UTP18: variants seen among roughly 807,000 people sequenced by gnomAD.
UTP18 encodes the protein U3 small nucleolar RNA-associated protein 18 homolog.
A neutral mutation model predicts 61.1 loss-of-function variants in UTP18; 36 were observed. The observed-to-expected ratio is 0.59, with a 90% confidence interval of 0.45 to 0.78. UTP18 has a LOEUF of 0.78. UTP18 is among the 30% of genes least tolerant of loss of function. UTP18 has a pLI of 0.00. For synonymous variants in UTP18, 282 were observed against 251.1 expected, an observed-to-expected ratio of 1.12 and a Z score of -1.16; for missense variants, 753 against 693.9, an observed-to-expected ratio of 1.09 and a Z score of -0.96.
chr17:51,287,065 A>G (rs1303336978), intron 10 of UTP18, among the ~76,000 whole-genome samples: 4 of 144,412 alleles, frequency 2.8e-5, no homozygotes. Context: ...TTGCCTCTAT[A>G]TGGGGCAAGA....
At chr17:51,278,698 C>T (rs1904811252) in intron 7 of UTP18, among the ~76,000 whole-genome samples, 1 of 152,204 alleles carries the variant, frequency 6.6e-6, no homozygotes, top group African/African-American at 2.4e-5. Context: ...TAGAACAAGC[C>T]TCCTGTCCTA....
At chr17:51,285,483 T>C (rs757365989) in intron 10 of UTP18, 115 bp downstream of exon 10, 18 of 1,302,226 alleles carry the variant, frequency 1.4e-5, no homozygotes, top group Non-Finnish European at 1.6e-5. Context: ...TATTCAGTAA[T>C]ATGAAATTGG....
chr17:51,276,549 T>C (rs1047075358), intron 6 of UTP18, among the ~76,000 whole-genome samples: 3 of 152,218 alleles, frequency 2.0e-5, no homozygotes, highest in Admixed American at 6.5e-5. Context: ...GGGTCTTCCA[T>C]GTTTAATCTA....
chr17:51,288,271 CAGGAA>C, intron 11 of UTP18, 68 bp downstream of exon 11: 1 of 1,396,758 alleles, frequency 7.2e-7, no homozygotes, highest in Non-Finnish European at 9.6e-7. Flanking sequence ...GCAAGAGTAA[CAGGAA>C]AGGAGAGCGT....
intron 11 of UTP18, among the ~76,000 whole-genome samples, chr17:51,291,070 A>C (rs1030261086): frequency 6.6e-6 from 1 of 152,202 alleles, no homozygotes; most frequent in African/African-American, 2.4e-5. Context: ...TTGAATTTTG[A>C]TATCTGTACA....
chr17:51,260,989 G>T, intron 1 of UTP18, 63 bp downstream of exon 1: 1 of 1,348,760 alleles, frequency 7.4e-7, no homozygotes, highest in Non-Finnish European at 9.6e-7. Flanking sequence ...GGGCGGTGAA[G>T]CTCCGGGGGG....
intron 9 of UTP18, among the ~76,000 whole-genome samples, chr17:51,281,159 TA>T (rs1170479386): frequency 4.5e-4 from 41 of 91,090 alleles, no homozygotes; most frequent in Admixed American, 2.0e-3. Context: ...TATATATATA[TA>T]TATATTTTTT....
At chr17:51,267,656 A>G (rs1277257583) in intron 3 of UTP18, among the ~76,000 whole-genome samples, 2 of 152,070 alleles carry the variant, frequency 1.3e-5, no homozygotes, top group Non-Finnish European at 2.9e-5. Flanking sequence ...TTTGGTGAGG[A>G]GTATCTTAAG....
At chr17:51,266,154 T>G (rs746896291) in intron 2 of UTP18, 28 bp from the exon 3 acceptor site, 1 of 1,511,978 alleles carries the variant, frequency 6.6e-7, no homozygotes, top group East Asian at 2.5e-5. Context: ...TTAAAAGTTA[T>G]TTAAAATATG....
At chr17:51,274,653 T>C (rs1187082915) in intron 5 of UTP18, among the ~76,000 whole-genome samples, 1 of 151,800 alleles carries the variant, frequency 6.6e-6, no homozygotes, top group African/African-American at 2.4e-5. Flanking sequence ...GGTTTCTCCA[T>C]GTTAGTCAGG....
intron 3 of UTP18, among the ~76,000 whole-genome samples, chr17:51,266,693 TAACTC>T (rs2055564839): frequency 6.6e-6 from 1 of 152,198 alleles, no homozygotes; most frequent in Non-Finnish European, 1.5e-5. Flanking sequence ...ATGCGACACT[TAACTC>T]ATTAATTTGT....
chr17:51,260,988 A>G, intron 1 of UTP18, 62 bp downstream of exon 1: 4 of 1,357,448 alleles, frequency 2.9e-6, no homozygotes, highest in East Asian at 3.1e-5. Context: ...TGGGCGGTGA[A>G]GCTCCGGGGG....
Position 51,296,945 on chromosome 17 carries a change from C to G in UTP18, c.1647-20C>G, listed in dbSNP as rs775740101. 2.5e-6 allele frequency: 4 copies of G among 1,603,362 alleles called. No homozygotes were observed. Among genetic ancestry groups the G allele is most frequent in the Non-Finnish European group, 3.4e-6 (4 of 1,175,942 alleles). ...GGTAATTACAAAGTTGTTCAGATGACTTATTTTTTACTTTTCCAGGTTGCA... is the reference window on the plus strand; with the variant it reads ...GGTAATTACAAAGTTGTTCAGATGAGTTATTTTTTACTTTTCCAGGTTGCA... On this transcript the variant is annotated intron_variant, in intron 12 of 13. Coordinates refer to ENST00000225298, the MANE Select transcript of UTP18 (RefSeq NM_016001.3).
At chr17:51,274,478 T>C (rs935747023) in intron 5 of UTP18, among the ~76,000 whole-genome samples, 2 of 152,124 alleles carry the variant, frequency 1.3e-5, no homozygotes, top group Admixed American at 1.3e-4. Context: ...GTTTTGCTCT[T>C]TTGCTCAGGC....
intron 5 of UTP18, 141 bp downstream of exon 5, chr17:51,273,591 T>C (rs898837165): frequency 5.1e-5 from 28 of 546,780 alleles, no homozygotes; most frequent in East Asian, 1.3e-4. Context: ...TAAATACTTA[T>C]GTTATTGTTT....
chr17:51,265,326 C>T (rs11079951), intron 2 of UTP18, among the ~76,000 whole-genome samples: 58,304 of 149,530 alleles, frequency 0.39, 12,883 homozygotes, highest in East Asian at 0.6. Context: ...TGTAGTGGTG[C>T]GATCTTGGCT....
In UTP18 at chr17:51,294,108, G is replaced by A; in HGVS notation, c.1646+63G>A. 3 of 1,349,110 alleles carry A rather than the reference G, an allele frequency of 2.2e-6. No individual in the cohort carries two copies. In the South Asian group the frequency reaches 5.7e-5, roughly 26 times the overall value. 83.6% of individuals were successfully genotyped at this position (1,349,110 alleles called of 1,614,324 possible). A position where few individuals can be genotyped will look rare whatever the true frequency, so the allele number is the denominator to read the frequency against. On this transcript the variant is annotated intron_variant, in intron 12 of 13. Transcript: ENST00000225298. Reference sequence around the variant, plus strand: ...TAAACTACTTCTGACAGTATGAAGAGATACTATATATTCCTAATTCTACAG... The same window carrying A: ...TAAACTACTTCTGACAGTATGAAGAAATACTATATATTCCTAATTCTACAG...
intron 6 of UTP18, among the ~76,000 whole-genome samples, chr17:51,276,745 A>G (rs1467491640): frequency 1.3e-5 from 2 of 152,186 alleles, no homozygotes; most frequent in African/African-American, 4.8e-5. Context: ...TTTCTTTTAG[A>G]GAATAACACT....
intron 12 of UTP18, among the ~76,000 whole-genome samples, chr17:51,295,680 C>T (rs1035330529): frequency 4.5e-4 from 68 of 152,158 alleles, no homozygotes; most frequent in African/African-American, 1.4e-3. Flanking sequence ...CTTGGCTATG[C>T]GGGCTCTTTT....
Sources: allele counts gnomAD v4.1 joint callset (sites outside exome capture counted in the v4.1 genomes callset), GRCh38; gene constraint gnomAD v4.1.1; transcripts MANE v1.5; gene names NCBI Gene and HGNC (gene_info 2026-07-23, HGNC 2026-07-21).